Variants in CFAP97 observed in about 807,000 individuals in gnomAD.
CFAP97 encodes the protein cilia- and flagella-associated protein 97.
Under a neutral mutation model 43.1 loss-of-function variants are expected in CFAP97, and 36 were observed. The ratio of observed to expected loss-of-function variants is 0.84; its 90% CI spans 0.64 to 1.10. CFAP97 has a LOEUF of 1.10. Ranked by LOEUF, CFAP97 falls within the 50% of genes least tolerant of loss-of-function variation. The pLI, the probability that CFAP97 is intolerant of heterozygous loss-of-function variation, is 0.00. For synonymous variants in CFAP97, 228 were observed against 225.7 expected (o/e 1.01, Z -0.09); for missense variants, 657 against 620.3 (o/e 1.06, Z -0.63).
At chr4:185,192,679 ATAAGCT>A (rs906340947) in intron 1 of CFAP97, among the ~76,000 whole-genome samples, 6 of 151,062 alleles carry the variant, frequency 4.0e-5, no homozygotes, top group Non-Finnish European at 8.8e-5. Context: ...TCTATTACTG[ATAAGCT>A]TAAGATCAGA....
chr4:185,204,902 T>G (rs1185299349), upstream of CFAP97, among the ~76,000 whole-genome samples: 1 of 152,274 alleles, frequency 6.6e-6, no homozygotes, highest in Non-Finnish European at 1.5e-5. Flanking sequence ...ACTTAATACC[T>G]TAAGCACTGT....
upstream of CFAP97, among the ~76,000 whole-genome samples, chr4:185,206,038 C>G (rs1372900508): frequency 6.6e-6 from 1 of 152,140 alleles, no homozygotes; most frequent in African/African-American, 2.4e-5. Context: ...GTGGAAAGAT[C>G]GAAACCCTTA....
upstream of CFAP97, among the ~76,000 whole-genome samples, chr4:185,204,860 AAGGAACTAG>A (rs544972960): frequency 1.6e-4 from 24 of 152,276 alleles, no homozygotes; most frequent in South Asian, 1.2e-3. Context: ...AAACCTCAGG[AAGGAACTAG>A]AGCCTGCAAA....
intron 1 of CFAP97, among the ~76,000 whole-genome samples, chr4:185,193,124 A>G (rs150646790): frequency 2.3e-3 from 346 of 152,282 alleles, no homozygotes; most frequent in African/African-American, 8.1e-3. Flanking sequence ...GGAGGCAAAG[A>G]GCCTGGATCA....
chr4:185,163,912 A>AT (rs1734966527), intron 4 of CFAP97, 117 bp downstream of exon 4: 2 of 880,672 alleles, frequency 2.3e-6, no homozygotes, highest in Non-Finnish European at 3.5e-6. Flanking sequence ...ACAGTGGGAA[A>AT]TAACAGAACG....
intron 2 of CFAP97, chr4:185,182,044 C>T (rs1382782167): frequency 6.6e-6 from 1 of 152,174 alleles, no homozygotes; most frequent in Non-Finnish European, 1.5e-5. Flanking sequence ...TCTCAAAATA[C>T]ATCCTGTAGT....
chr4:185,196,386 A>G (rs1305397438), intron 1 of CFAP97, among the ~76,000 whole-genome samples: 1 of 151,946 alleles, frequency 6.6e-6, no homozygotes, highest in Non-Finnish European at 1.5e-5. Flanking sequence ...AGGCAGGAGA[A>G]TCACTTGAAC....
chr4:185,185,820 T>C (rs1579251159), intron 2 of CFAP97, among the ~76,000 whole-genome samples: 1 of 151,782 alleles, frequency 6.6e-6, no homozygotes, highest in South Asian at 2.1e-4. Context: ...TTGTATTTTT[T>C]GTAGAGACAG....
upstream of CFAP97, chr4:185,210,011 C>T: frequency 1.0e-5 from 10 of 983,732 alleles, no homozygotes; most frequent in Non-Finnish European, 1.1e-5. The surrounding 1 kb of genome is among the most constrained non-coding windows in gnomAD (Gnocchi z 4.4). Flanking sequence ...AAGCCCGTGG[C>T]GGTGGCCGCA....
rs143554889 is a variant in CFAP97, at chr4:185,184,545, G to A, written c.1054+5598C>T. Among the ~76,000 whole-genome samples the A allele has an allele frequency of 2.3e-3, 357 of 152,240 alleles. 1 individual carries two copies. The highest frequency in any genetic ancestry group is 8.0e-3 in the African/African-American group (332 of 41,534). On this transcript the variant is annotated intron_variant, in intron 2 of 4. Coordinates refer to ENST00000458385, the MANE Select transcript of CFAP97 (RefSeq NM_020827.3). ...GTGTCTGAAGGTGAACACTGAAAAC[G>A]GCTGCAGACATCTCCTAGCAGCCTA...
At chr4:185,176,311 C>T (rs993693540) in intron 2 of CFAP97, among the ~76,000 whole-genome samples, 21 of 152,014 alleles carry the variant, frequency 1.4e-4, no homozygotes, top group Non-Finnish European at 2.8e-4. Flanking sequence ...CAGGGTTTCA[C>T]CATGTTGCCC....
intron 2 of CFAP97, among the ~76,000 whole-genome samples, chr4:185,176,821 A>C (rs1478677863): frequency 6.6e-6 from 1 of 152,212 alleles, no homozygotes; most frequent in African/African-American, 2.4e-5. Flanking sequence ...GGCAAAAAGT[A>C]ACTCCGAATA....
chr4:185,193,304 A>G (rs1736383867), intron 1 of CFAP97, among the ~76,000 whole-genome samples: 1 of 152,238 alleles, frequency 6.6e-6, no homozygotes, highest in Non-Finnish European at 1.5e-5. Context: ...ATGAGAAGCC[A>G]TGAGTACACA....
intron 1 of CFAP97, among the ~76,000 whole-genome samples, chr4:185,202,792 A>G (rs1736936081): frequency 6.6e-6 from 1 of 152,176 alleles, no homozygotes; most frequent in Non-Finnish European, 1.5e-5. Context: ...TTAGTTAATA[A>G]TATCCAACAG....
chr4:185,191,837 C>CAAACAA (rs144847263), intron 1 of CFAP97, among the ~76,000 whole-genome samples: 2 of 151,740 alleles, frequency 1.3e-5, no homozygotes, highest in East Asian at 1.9e-4. Flanking sequence ...TCAACAACAA[C>CAAACAA]AAACAAAAAC....
chr4:185,180,279 A>G (rs1441847639), intron 2 of CFAP97, among the ~76,000 whole-genome samples: 1 of 152,188 alleles, frequency 6.6e-6, no homozygotes, highest in African/African-American at 2.4e-5. Flanking sequence ...TACACGGAAC[A>G]CAAAATTTAC....
intron 1 of CFAP97, among the ~76,000 whole-genome samples, chr4:185,202,495 C>T (rs1736901209): frequency 2.0e-5 from 3 of 151,440 alleles, no homozygotes; most frequent in African/African-American, 4.9e-5. Flanking sequence ...CTGCAGTGAG[C>T]CGAGATCAGG....
At chr4:185,167,859 T>C (rs535628839) in intron 3 of CFAP97, among the ~76,000 whole-genome samples, 1 of 151,222 alleles carries the variant, frequency 6.6e-6, no homozygotes, top group South Asian at 2.1e-4. Context: ...ATTAGCCCAG[T>C]GTGGTGGCAG....
intron 2 of CFAP97, among the ~76,000 whole-genome samples, chr4:185,177,127 A>G (rs1011157263): frequency 2.6e-5 from 4 of 152,136 alleles, no homozygotes; most frequent in African/African-American, 7.2e-5. Context: ...AAAGGGACAC[A>G]CTGAGGCCAG....
Sources: allele counts gnomAD v4.1 joint callset (sites outside exome capture counted in the v4.1 genomes callset), GRCh38; gene constraint gnomAD v4.1.1; non-coding constraint Gnocchi (gnomAD v3.1); transcripts MANE v1.5; gene names NCBI Gene and HGNC (gene_info 2026-07-23, HGNC 2026-07-21).